LRBA: variants seen among roughly 807,000 people sequenced by gnomAD.
The protein encoded by LRBA is LPS responsive beige-like anchor protein, also known as lipopolysaccharide-responsive and beige-like anchor protein.
Under a neutral mutation model 330.0 loss-of-function variants are expected in LRBA, and 176 were observed. That is an observed-to-expected ratio of 0.53 (90% CI 0.47 to 0.60). The LOEUF is 0.60. LRBA is among the 20% of genes least tolerant of loss of function. The probability of loss-of-function intolerance (pLI) is 0.00; values close to 1 mark genes in which losing one functional copy is unlikely to be tolerated. For missense variants in LRBA, 3,259 were observed against 3,444.8 expected (o/e 0.95, Z 1.35); for synonymous variants, 1,230 against 1,193.0 (o/e 1.03, Z -0.64).
chr4:150,534,378 T>TAATAA (rs1282557385), intron 40 of LRBA, among the ~76,000 whole-genome samples: 5 of 143,548 alleles, frequency 3.5e-5, no homozygotes, highest in African/African-American at 1.3e-4. Flanking sequence ...ATAATAATAA[T>TAATAA]TTTTTTTAAA....
At chr4:150,425,179 T>C (rs1475275569) in intron 46 of LRBA, among the ~76,000 whole-genome samples, 1 of 152,224 alleles carries the variant, frequency 6.6e-6, no homozygotes, top group East Asian at 1.9e-4. Context: ...TCAAAGATTA[T>C]GCCTTTCTAA....
At position 150,940,846 on chromosome 4, in the gene LRBA, CTTTT is replaced by C. The variant is rs1284490783; in HGVS notation, c.217-11785_217-11782del. ...CTTTCCTACATAATCTTTTAAGTGC[CTTTT>C]TTGTTTTCCTTCTTTTTGTTTTCTT... is the stretch of plus-strand genomic sequence containing the variant. On this transcript the variant is annotated intron_variant, in intron 2 of 56. Transcript: ENST00000651943. 2.0e-5 allele frequency among the ~76,000 whole-genome samples: 3 copies of C among 151,686 alleles called. No homozygotes were observed. In the East Asian group the frequency reaches 5.8e-4, roughly 29 times the overall value.
chr4:150,840,065 A>G (rs1748828991), intron 28 of LRBA, among the ~76,000 whole-genome samples: 1 of 152,186 alleles, frequency 6.6e-6, no homozygotes, highest in African/African-American at 2.4e-5. Context: ...TTTCTTCTGC[A>G]GCTTCCTCAC....
intron 31 of LRBA, among the ~76,000 whole-genome samples, chr4:150,809,571 T>A (rs1227268493): frequency 6.6e-6 from 1 of 152,210 alleles, no homozygotes; most frequent in African/African-American, 2.4e-5. Flanking sequence ...ATTGCCATTT[T>A]TGGCCAGGTG....
intron 4 of LRBA, among the ~76,000 whole-genome samples, chr4:150,927,078 GAA>G (rs1340151435): frequency 9.3e-6 from 1 of 107,126 alleles, no homozygotes. Flanking sequence ...TCAAAAGAAA[GAA>G]AAAAAAAAAA....
intron 2 of LRBA, among the ~76,000 whole-genome samples, chr4:150,946,156 A>G (rs1288072022): frequency 6.6e-6 from 1 of 152,226 alleles, no homozygotes; most frequent in Non-Finnish European, 1.5e-5. Context: ...TGAAATAAAC[A>G]GTATTATGAA....
At chr4:150,935,763 T>A (rs1275424159) in intron 2 of LRBA, among the ~76,000 whole-genome samples, 2 of 151,798 alleles carry the variant, frequency 1.3e-5, no homozygotes, top group Non-Finnish European at 2.9e-5. Context: ...AAATAAAAGG[T>A]TGGTACAAAT....
At chr4:150,652,128 G>A (rs559481798) in intron 37 of LRBA, among the ~76,000 whole-genome samples, 4 of 152,210 alleles carry the variant, frequency 2.6e-5, no homozygotes, top group East Asian at 1.9e-4. Flanking sequence ...GAGCCACTAC[G>A]CGGGGCACCA....
At chr4:150,516,705 TA>T (rs60322733) in intron 40 of LRBA, among the ~76,000 whole-genome samples, 69,421 of 151,668 alleles carry the variant, frequency 0.46, 16,165 homozygotes, top group Non-Finnish European at 0.51. Flanking sequence ...CCAGAAACAA[TA>T]AAAAAATTAA....
chr4:150,486,784 C>T (rs1467947414), intron 42 of LRBA, among the ~76,000 whole-genome samples: 2 of 151,722 alleles, frequency 1.3e-5, no homozygotes, highest in African/African-American at 4.8e-5. Flanking sequence ...ACCAACATCT[C>T]CCCAGTCACC....
intron 33 of LRBA, among the ~76,000 whole-genome samples, chr4:150,805,446 G>GGGAAAGGGAAAGGAAAGGAAAGGAAA (rs1742540083): frequency 2.5e-5 from 1 of 39,736 alleles, no homozygotes; most frequent in Non-Finnish European, 4.7e-5. Flanking sequence ...AGGAAGGAAA[G>GGGAAAGGGAAAGGAAAGGAAAGGAAA]GGAAAGGAAA....
intron 4 of LRBA, among the ~76,000 whole-genome samples, chr4:150,926,436 AC>A (rs1733893794): frequency 2.0e-5 from 3 of 152,190 alleles, no homozygotes; most frequent in Admixed American, 1.3e-4. Flanking sequence ...TGGAAAAAAA[AC>A]TTTTAAACTA....
chr4:150,569,441 T>C (rs548248622), intron 40 of LRBA, among the ~76,000 whole-genome samples: 6 of 152,282 alleles, frequency 3.9e-5, no homozygotes, highest in Admixed American at 3.3e-4. Flanking sequence ...ATAAAGAGTA[T>C]ACTTCTGAAT....
intron 40 of LRBA, among the ~76,000 whole-genome samples, chr4:150,501,038 C>T (rs745397062): frequency 6.6e-6 from 1 of 152,182 alleles, no homozygotes; most frequent in Non-Finnish European, 1.5e-5. Flanking sequence ...GCTATGCTCA[C>T]ATTTGCCTTC....
chr4:150,691,541 A>C lies in LRBA; in HGVS notation c.5755-7824T>G, dbSNP rs148570107. On this transcript the variant is annotated intron_variant, in intron 36 of 56. Coordinates refer to ENST00000651943, the MANE Select transcript of LRBA (RefSeq NM_001364905.1). ...ACCGGCTGAAATTTAAAAGAGCTAC[A>C]ATACCAAGCACTGACAAGGACATGG... Among the ~76,000 whole-genome samples the C allele has an allele frequency of 1.1e-3, 161 of 152,324 alleles. 1 individual carries two copies. Among genetic ancestry groups the C allele is most frequent in the African/African-American group, 3.5e-3 (147 of 41,568 alleles).
intron 30 of LRBA, among the ~76,000 whole-genome samples, chr4:150,822,674 A>G (rs1455245801): frequency 1.3e-5 from 2 of 152,118 alleles, no homozygotes; most frequent in Non-Finnish European, 2.9e-5. Context: ...CGATCCCTTG[A>G]TCCCATGAGT....
At chr4:150,587,927 A>G (rs1362210893) in intron 40 of LRBA, 121 bp downstream of exon 40, 2 of 1,079,618 alleles carry the variant, frequency 1.9e-6, no homozygotes, top group Non-Finnish European at 2.6e-6. Context: ...GACATTGCAT[A>G]TAAGCCAAGG....
intron 34 of LRBA, among the ~76,000 whole-genome samples, chr4:150,788,633 G>A (rs915258536): frequency 1.3e-5 from 2 of 151,732 alleles, no homozygotes; most frequent in African/African-American, 2.4e-5. Flanking sequence ...GATGGCAGGT[G>A]TCTATTAATC....
chr4:150,816,600 T>C (rs946837973), intron 31 of LRBA, among the ~76,000 whole-genome samples: 1 of 151,920 alleles, frequency 6.6e-6, no homozygotes, highest in African/African-American at 2.4e-5. Context: ...TGAACCAGTA[T>C]GACCATTGTT....
Sources: allele counts gnomAD v4.1 joint callset (sites outside exome capture counted in the v4.1 genomes callset), GRCh38; gene constraint gnomAD v4.1.1; transcripts MANE v1.5; gene names NCBI Gene and HGNC (gene_info 2026-07-23, HGNC 2026-07-21).